Variants in RBFOX3 observed in about 807,000 individuals in gnomAD.
RBFOX3 encodes the protein RNA binding protein fox-1 homolog 3.
RBFOX3 carries 17 observed loss-of-function variants against 48.7 expected under a neutral mutation model. The observed-to-expected ratio is 0.35, with a 90% CI of 0.24 to 0.52. The LOEUF (loss-of-function observed/expected upper bound fraction) is 0.52, where lower values mean the gene tolerates loss of function less well. Ranked by LOEUF, RBFOX3 falls within the 20% of genes least tolerant of loss-of-function variation. The pLI is 0.94. For missense variants in RBFOX3, 382 were observed against 497.5 expected, an observed-to-expected ratio of 0.77 and a Z score of 2.21; for synonymous variants, 212 against 209.5, an observed-to-expected ratio of 1.01 and a Z score of -0.10.
rs765596875 is a variant in RBFOX3, at chr17:79,199,883, G to A, written c.-34+35883C>T. Among the ~76,000 whole-genome samples, 14 of 152,168 alleles carry A rather than the reference G, an allele frequency of 9.2e-5. No individual in the cohort carries two copies. Among genetic ancestry groups the A allele is most frequent in the East Asian group, 1.9e-4 (1 of 5,158 alleles). On this transcript the variant is annotated intron_variant, in intron 4 of 14. Coordinates refer to ENST00000693108, the MANE Select transcript of RBFOX3 (RefSeq NM_001350451.2). The surrounding 1 kb of genome is among the most constrained non-coding windows in gnomAD (Gnocchi z 5.1). ...TCTATAAAATGGGGAGAAAAGGGCC[G>A]GACGTGGTGGCTCACGCCTGTAATC... is the stretch of plus-strand genomic sequence containing the variant.
chr17:79,586,292 C>A (rs950872836), intron 1 of RBFOX3, among the ~76,000 whole-genome samples: 1 of 152,196 alleles, frequency 6.6e-6, no homozygotes, highest in Non-Finnish European at 1.5e-5. Flanking sequence ...AGTGAGCCTG[C>A]TGGAGAAGGA....
Position 79,538,342 on chromosome 17 carries a change from T to G in RBFOX3, c.-319-55744A>C, listed in dbSNP as rs188797284. Among the ~76,000 whole-genome samples, 23 of 152,372 alleles carry G rather than the reference T, an allele frequency of 1.5e-4. No homozygotes were observed. In the East Asian group the frequency reaches 3.7e-3, roughly 24 times the overall value. Reference sequence around the variant, plus strand: ...TAAATGAATGAATGCACAGGTGATCTGGCTACAGTGGAGAGAGAGAGCTGG... The same window carrying G: ...TAAATGAATGAATGCACAGGTGATCGGGCTACAGTGGAGAGAGAGAGCTGG... On this transcript the variant is annotated intron_variant, in intron 1 of 14. Transcript: ENST00000693108.
intron 2 of RBFOX3, among the ~76,000 whole-genome samples, chr17:79,327,936 CA>C (rs1312375404): frequency 1.3e-5 from 2 of 152,204 alleles, no homozygotes; most frequent in East Asian, 1.9e-4. Flanking sequence ...CCTCACAATC[CA>C]CCTACCTCGG....
At chr17:79,185,022 G>A (rs1282557533) in intron 4 of RBFOX3, among the ~76,000 whole-genome samples, 2 of 152,186 alleles carry the variant, frequency 1.3e-5, no homozygotes, top group African/African-American at 2.4e-5. Flanking sequence ...GCCTCTCCAC[G>A]CCCAGTTTAG....
chr17:79,638,805 T>G, the RBFOX3 span, among the ~76,000 whole-genome samples: 1 of 152,336 alleles, frequency 6.6e-6, no homozygotes, highest in South Asian at 2.1e-4. Flanking sequence ...TGCCATGTGA[T>G]CTCTGCACAA....
At chr17:79,112,892 G>A (rs1442511959) in intron 5 of RBFOX3, among the ~76,000 whole-genome samples, 4 of 135,848 alleles carry the variant, frequency 2.9e-5, no homozygotes, top group Non-Finnish European at 6.4e-5. Context: ...GCCAACCTGG[G>A]CAGCAGGCTC....
At chr17:79,326,330 G>T (rs149413064) in intron 2 of RBFOX3, among the ~76,000 whole-genome samples, 1 of 152,138 alleles carries the variant, frequency 6.6e-6, no homozygotes, top group Non-Finnish European at 1.5e-5. Context: ...CGCCCTGCAC[G>T]GATCTAGTTG....
At chr17:79,490,431 A>G (rs2080320174) in intron 1 of RBFOX3, among the ~76,000 whole-genome samples, 1 of 152,162 alleles carries the variant, frequency 6.6e-6, no homozygotes, top group Admixed American at 6.5e-5. Flanking sequence ...ACCCGGGTTC[A>G]GTGGGGCTGG....
At chr17:79,238,055 G>GCCT (rs1216608396) in intron 3 of RBFOX3, among the ~76,000 whole-genome samples, 3 of 152,200 alleles carry the variant, frequency 2.0e-5, no homozygotes, top group Non-Finnish European at 4.4e-5. Context: ...TCCTGCCTCA[G>GCCT]CCTCCGAAGT....
At chr17:79,426,640 T>C (rs558498427) in intron 2 of RBFOX3, among the ~76,000 whole-genome samples, 2 of 152,298 alleles carry the variant, frequency 1.3e-5, no homozygotes, top group Non-Finnish European at 2.9e-5. Flanking sequence ...CCCCACCTCA[T>C]TTCCAAATTT....
intron 2 of RBFOX3, among the ~76,000 whole-genome samples, chr17:79,413,124 C>T (rs1568205693): frequency 6.6e-6 from 1 of 152,178 alleles, no homozygotes; most frequent in Non-Finnish European, 1.5e-5. Flanking sequence ...CTGCAAATGT[C>T]ACTTGCAGAT....
the RBFOX3 span, among the ~76,000 whole-genome samples, chr17:79,623,641 C>T: frequency 1.3e-5 from 2 of 151,986 alleles, no homozygotes; most frequent in Non-Finnish European, 2.9e-5. Context: ...TGGTGAAACG[C>T]TGTCTCTACT....
chr17:79,175,733 C>T (rs1568284848), intron 4 of RBFOX3, among the ~76,000 whole-genome samples: 1 of 152,254 alleles, frequency 6.6e-6, no homozygotes, highest in Non-Finnish European at 1.5e-5. Flanking sequence ...TGGGGTGGCG[C>T]CTCTGAGGGT....
chr17:79,246,268 G>C (rs1457803402), intron 3 of RBFOX3, among the ~76,000 whole-genome samples: 1 of 152,210 alleles, frequency 6.6e-6, no homozygotes, highest in African/African-American at 2.4e-5. Context: ...CTCCGGGAGA[G>C]CCACCTTCCC....
intron 3 of RBFOX3, among the ~76,000 whole-genome samples, chr17:79,301,107 G>A (rs543900188): frequency 9.8e-5 from 15 of 152,348 alleles, no homozygotes; most frequent in South Asian, 8.3e-4. Context: ...AGGCCCCAGG[G>A]AGAAGCCTCT....
chr17:79,119,049 C>T (rs1456919798), intron 4 of RBFOX3, among the ~76,000 whole-genome samples: 1 of 151,744 alleles, frequency 6.6e-6, no homozygotes, highest in Non-Finnish European at 1.5e-5. Flanking sequence ...GCTTCCTTCT[C>T]ACCCTACCTC....
Position 79,372,002 on chromosome 17 carries a change from C to T in RBFOX3, c.-174-64178G>A, listed in dbSNP as rs745542479. Among the ~76,000 whole-genome samples, 70 of 152,228 alleles carry T rather than the reference C, an allele frequency of 4.6e-4. No individual in the cohort carries two copies. The Middle Eastern group carries it at 0.02, about 44-fold the overall frequency. On this transcript the variant is annotated intron_variant, in intron 2 of 14. Transcript: ENST00000693108. ...CAGGCAGGTTCGGGGAGACCCTCCC[C>T]GCAGACGCTTCAGTTACAGGCAGGT...
At chr17:79,224,251 G>A (rs182371957) in intron 4 of RBFOX3, among the ~76,000 whole-genome samples, 96 of 152,246 alleles carry the variant, frequency 6.3e-4, no homozygotes, top group African/African-American at 2.2e-3. Context: ...CAGCCCACCC[G>A]ATGGCTGCCA....
chr17:79,512,291 G>A (rs1355547531), intron 1 of RBFOX3, among the ~76,000 whole-genome samples: 262 of 98,480 alleles, frequency 2.7e-3, no homozygotes, highest in South Asian at 3.5e-3. Flanking sequence ...ATTACCATCG[G>A]GTACAGCCCC....
Sources: gnomAD v4.1 joint callset for allele counts (sites outside exome capture counted in the v4.1 genomes callset) on GRCh38, gnomAD v4.1.1 for gene constraint, Gnocchi (gnomAD v3.1) non-coding constraint, MANE v1.5 for transcripts, NCBI Gene and HGNC (gene_info 2026-07-23, HGNC 2026-07-21) for gene names.